TMEM43: variants seen among roughly 807,000 people sequenced by gnomAD.
The protein encoded by TMEM43 is transmembrane protein 43.
TMEM43 carries 45 observed loss-of-function variants against 49.6 expected under a neutral mutation model. The observed-to-expected ratio is 0.91, with a 90% CI of 0.71 to 1.16. The LOEUF (loss-of-function observed/expected upper bound fraction) is 1.16. TMEM43 is among the 50% of genes most tolerant of loss of function. The probability of loss-of-function intolerance (pLI) is 0.00; values close to 1 mark genes in which losing one functional copy is unlikely to be tolerated. For synonymous variants in TMEM43, 199 were observed against 207.8 expected, an observed-to-expected ratio of 0.96 and a Z score of 0.36; for missense variants, 532 against 516.6, an observed-to-expected ratio of 1.03 and a Z score of -0.29.
At position 14,130,885 on chromosome 3, in the gene TMEM43, A is replaced by C; in HGVS notation, c.226A>C (p.Ser76Arg). The change falls in exon 3 of 12, where the codon AGC becomes CGC. Residue 76 changes from serine to arginine, a missense_variant. Coordinates refer to ENST00000306077, the MANE Select transcript of TMEM43 (RefSeq NM_024334.3). ...EGLSLVVSPDSIHSVAPENEG... is the reference protein window; with the variant it reads ...EGLSLVVSPDRIHSVAPENEG... The stretch of plus-strand genomic sequence containing the variant: ...GCTCTCGCTTGTGGTGTCTCCCGAC[A>C]GCATCCACAGTGTGGCTCCGGAGAA... 1 of 1,613,790 alleles carries C rather than the reference A, an allele frequency of 6.2e-7. No individual in the cohort carries two copies. Among genetic ancestry groups the C allele is most frequent in the Non-Finnish European group, 8.5e-7 (1 of 1,179,774 alleles).
chr3:14,138,241 G>A (rs1047029053), intron 10 of TMEM43, among the ~76,000 whole-genome samples: 3 of 152,156 alleles, frequency 2.0e-5, no homozygotes, highest in African/African-American at 4.8e-5. Context: ...ATACACAGGC[G>A]AGAGGACACT....
Position 14,133,758 on chromosome 3 carries a change from T to A in TMEM43, c.532T>A (p.Phe178Ile). Residue 178 changes from phenylalanine (F) to isoleucine (I), a missense_variant, in exon 7 of 12, where the codon TTC becomes ATC. Physicochemically the swap from Phe to Ile is conservative, Grantham distance 21. Transcript: ENST00000306077. The stretch of plus-strand genomic sequence containing the variant: ...CCACAGTGCCATGGCAGTGGAGTCA[T>A]TCATGGCAACAGCCCCCTTTGTCCA... ...KNPSAMAVES[F>I]MATAPFVQIG... The A allele has an allele frequency of 6.2e-7, 1 of 1,614,194 alleles. No homozygotes were observed. Among genetic ancestry groups the A allele is most frequent in the Non-Finnish European group, 8.5e-7 (1 of 1,180,008 alleles).
At position 14,132,906 on chromosome 3, in the gene TMEM43, C is replaced by T. The variant is rs772842801; in HGVS notation, c.483C>T (p.Phe161=). ...CAGAAATCATCAACAGCAAAAACTT[C>T]GACCGAGAGATTGGCCACAAAAACC... ...WRSEIINSKN[F]DREIGHKNPS... The change falls in exon 6 of 12, where the codon TTC becomes TTT. Residue 161 remains phenylalanine, a synonymous_variant. Coordinates refer to ENST00000306077, the MANE Select transcript of TMEM43 (RefSeq NM_024334.3). 37 of 1,613,916 alleles carry T rather than the reference C, an allele frequency of 2.3e-5. No homozygotes were observed. The South Asian group carries it at 3.1e-4, about 13-fold the overall frequency.
At chr3:14,127,347 G>A (rs970584946) in intron 1 of TMEM43, among the ~76,000 whole-genome samples, 9 of 152,026 alleles carry the variant, frequency 5.9e-5, no homozygotes, top group Admixed American at 4.6e-4. Flanking sequence ...CTCCAAGGCC[G>A]TCTTTGAGCC....
intron 2 of TMEM43, 29 bp downstream of exon 2, chr3:14,129,590 A>G: frequency 6.2e-7 from 1 of 1,613,468 alleles, no homozygotes; most frequent in Non-Finnish European, 8.5e-7. Context: ...TCCTGTGCAG[A>G]GTGAGAGTCC....
At chr3:14,128,801 A>G (rs1695051402) in intron 1 of TMEM43, 3 of 315,476 alleles carry the variant, frequency 9.5e-6, no homozygotes, top group Non-Finnish European at 6.3e-6. Flanking sequence ...ATGAAAGCAC[A>G]TGTCTGCATA....
intron 1 of TMEM43, among the ~76,000 whole-genome samples, chr3:14,128,007 G>C (rs752892366): frequency 5.9e-5 from 9 of 152,090 alleles, no homozygotes; most frequent in Non-Finnish European, 8.8e-5. Context: ...ATTTCTACTA[G>C]CTAACACGTG....
chr3:14,133,278 G>C (rs903264796), intron 6 of TMEM43, among the ~76,000 whole-genome samples: 1 of 152,234 alleles, frequency 6.6e-6, no homozygotes, highest in Admixed American at 6.5e-5. Context: ...CATTTGTTCA[G>C]GCTTCTCAGG....
In TMEM43 at chr3:14,141,704, A is replaced by G. The variant is rs752269639; in HGVS notation, c.1112A>G (p.Tyr371Cys). 64 of 1,613,870 alleles carry G rather than the reference A, an allele frequency of 4.0e-5. No homozygotes were observed. Among genetic ancestry groups the G allele is most frequent in the Middle Eastern group, 1.6e-4 (1 of 6,080 alleles). ...ACCGTGGCGGCTGGCTGGCTCTTCT[A>G]CCGACCCCTGTGGGCCCTCCTCATT... ...LLTVAAGWLF[Y>C]RPLWALLIAG... The change falls in exon 12 of 12, where the codon TAC (tyrosine) becomes TGC (cysteine). Residue 371 changes from tyrosine to cysteine, a missense_variant. Transcript: ENST00000306077.
intron 1 of TMEM43, among the ~76,000 whole-genome samples, chr3:14,125,971 C>T (rs890291463): frequency 1.3e-5 from 2 of 152,174 alleles, no homozygotes; most frequent in African/African-American, 2.4e-5. Flanking sequence ...CTCTCCCCTC[C>T]TCTGTGAAAG....
intron 5 of TMEM43, 100 bp from the exon 6 acceptor site, chr3:14,132,766 A>G (rs1399504143): frequency 1.4e-6 from 2 of 1,412,716 alleles, no homozygotes; most frequent in African/African-American, 2.8e-5. Context: ...AGGCTCCCTG[A>G]CCCACCCCTT....
At chr3:14,133,055 G>A in intron 6 of TMEM43, 120 bp downstream of exon 6, 1 of 904,226 alleles carries the variant, frequency 1.1e-6, no homozygotes, top group East Asian at 2.7e-5. Flanking sequence ...GAAAATGTGG[G>A]ACATGGGTTT....
Position 14,143,440 on chromosome 3 carries a change from T to A in TMEM43, c.*1645T>A, listed in dbSNP as rs958108028. ...ACTGCTTATTACATGAGCAATTTCA[T>A]CAAATCTCCAAACTCTTAAAGGATG... is the stretch of plus-strand genomic sequence containing the variant. On this transcript the variant is annotated 3_prime_UTR_variant, in exon 12 of 12. Coordinates refer to ENST00000306077, the MANE Select transcript of TMEM43 (RefSeq NM_024334.3). 2 of 152,238 alleles carry A rather than the reference T, an allele frequency of 1.3e-5. No homozygotes were observed. Among genetic ancestry groups the A allele is most frequent in the African/African-American group, 2.4e-5 (1 of 41,464 alleles). The allele number at this position is 152,238 out of a possible 1,614,324, so 9.4% of individuals were successfully genotyped here. A position where few individuals can be genotyped will look rare whatever the true frequency, so the allele number is the denominator to read the frequency against.
In TMEM43 at chr3:14,131,652, TG is replaced by T. The variant is rs757716377; in HGVS notation, c.373del (p.Val125Ter). 2 of 1,614,108 alleles carry T rather than the reference TG, an allele frequency of 1.2e-6. No individual in the cohort carries two copies. The highest frequency in any genetic ancestry group is 4.5e-5 in the East Asian group (2 of 44,880). On this transcript the variant is annotated frameshift_variant, in exon 4 of 12. Transcript: ENST00000306077. LOFTEE classifies it high-confidence loss of function. ...GCGGAGGCACGTGGAGATGTACCAA[TG>T]GGTAGAAACTGAGGAGTCCAGGTGA... The part of the protein sequence containing the change: ...KLRRHVEMYQ[W>X]VETEESREYT...
Position 14,135,836 on chromosome 3 carries a change from C to T in TMEM43, c.810C>T (p.Asp270=), listed in dbSNP as rs763026916. ...CTGTGATTGCCCGGCAGCGGGGTGA[C>T]CAGCTAGTCCCATTCTCCACCAAGT... ...VVTVIARQRG[D]QLVPFSTKSG... Residue 270 remains aspartate, a synonymous_variant, in exon 10 of 12, where the codon GAC becomes GAT. Coordinates refer to ENST00000306077, the MANE Select transcript of TMEM43 (RefSeq NM_024334.3). 1.1e-5 allele frequency: 18 copies of T among 1,613,846 alleles called. No individual in the cohort carries two copies. The highest frequency in any genetic ancestry group is 1.5e-5 in the Non-Finnish European group (18 of 1,180,038).
At chr3:14,125,665 C>T (rs1419500166) in intron 1 of TMEM43, among the ~76,000 whole-genome samples, 1 of 152,184 alleles carries the variant, frequency 6.6e-6, no homozygotes, top group African/African-American at 2.4e-5. Context: ...GCTGTCCAGG[C>T]GGGCAGAGAG....
chr3:14,126,122 C>T (rs887640212), intron 1 of TMEM43, among the ~76,000 whole-genome samples: 7 of 152,168 alleles, frequency 4.6e-5, no homozygotes, highest in African/African-American at 9.7e-5. Context: ...GTCCTCTCTG[C>T]CTCCCACACC....
At chr3:14,133,266 G>A (rs376544989) in intron 6 of TMEM43, among the ~76,000 whole-genome samples, 5 of 152,208 alleles carry the variant, frequency 3.3e-5, no homozygotes, top group African/African-American at 1.2e-4. Context: ...CAGAGGCAGC[G>A]GCATTTGTTC....
At chr3:14,130,357 C>A (rs1695077073) in intron 2 of TMEM43, among the ~76,000 whole-genome samples, 1 of 152,056 alleles carries the variant, frequency 6.6e-6, no homozygotes, top group South Asian at 2.1e-4. Flanking sequence ...AGAGGAGAGC[C>A]AGGCATGGAG....
Sources: gnomAD v4.1 joint callset for allele counts (sites outside exome capture counted in the v4.1 genomes callset) on GRCh38, gnomAD v4.1.1 for gene constraint, MANE v1.5 for transcripts, NCBI Gene and HGNC (gene_info 2026-07-23, HGNC 2026-07-21) for gene names.